BLTP3B: variants seen among roughly 807,000 people sequenced by gnomAD.
BLTP3B encodes UHRF1 (ICBP90) binding protein 1-like.
the BLTP3B span, among the ~76,000 whole-genome samples, chr12:100,074,774 G>C: frequency 6.6e-6 from 1 of 152,012 alleles, no homozygotes; most frequent in Non-Finnish European, 1.5e-5. Flanking sequence ...AACAAAGCTG[G>C]AGACATTACA....
At chr12:100,133,017 G>C in the BLTP3B span, among the ~76,000 whole-genome samples, 1 of 152,104 alleles carries the variant, frequency 6.6e-6, no homozygotes, top group East Asian at 1.9e-4. Flanking sequence ...GCCAAGGCAG[G>C]CAGATCACGA....
At chr12:100,056,668 T>C in the BLTP3B span, among the ~76,000 whole-genome samples, 1 of 151,056 alleles carries the variant, frequency 6.6e-6, no homozygotes, top group South Asian at 2.1e-4. Flanking sequence ...CGAAACCCCA[T>C]CCCTAGTAAA....
chr12:100,060,249 AAT>A, the BLTP3B span, among the ~76,000 whole-genome samples: 2 of 152,204 alleles, frequency 1.3e-5, no homozygotes, highest in Non-Finnish European at 2.9e-5. Context: ...TAACTGAAAA[AAT>A]GTTTTAATAT....
At chr12:100,088,893 T>A in the BLTP3B span, 1 of 1,503,966 alleles carries the variant, frequency 6.6e-7, no homozygotes. Context: ...CAAAATAGTT[T>A]GAAATAAGCA....
the BLTP3B span, chr12:100,142,749 C>T: frequency 2.7e-6 from 4 of 1,479,860 alleles, no homozygotes; most frequent in Non-Finnish European, 3.6e-6. Context: ...GCTGATCGCT[C>T]ACGACCGGGA....
the BLTP3B span, among the ~76,000 whole-genome samples, chr12:100,121,179 C>T: frequency 9.9e-5 from 15 of 151,552 alleles, no homozygotes; most frequent in Admixed American, 3.9e-4. Flanking sequence ...GGAACCCTGC[C>T]TCTACTAAAA....
At chr12:100,084,426 A>G in the BLTP3B span, 1 of 1,418,794 alleles carries the variant, frequency 7.0e-7, no homozygotes, top group Non-Finnish European at 9.7e-7. Flanking sequence ...ACACACACAC[A>G]GAGTGCAAAC....
chr12:100,125,335 C>CAA, the BLTP3B span, among the ~76,000 whole-genome samples: 3,452 of 74,004 alleles, frequency 0.047, 134 homozygotes, highest in African/African-American at 0.09. Flanking sequence ...GTTTCCATCT[C>CAA]AAAAAAAAAA....
chr12:100,108,333 G>A, the BLTP3B span: 15 of 1,553,442 alleles, frequency 9.7e-6, no homozygotes, highest in African/African-American at 1.4e-5. Flanking sequence ...AATATAGAAG[G>A]AAAACATGAA....
the BLTP3B span, chr12:100,058,847 A>G: frequency 5.6e-6 from 9 of 1,613,882 alleles, no homozygotes; most frequent in Non-Finnish European, 7.6e-6. Context: ...GTTTATGAAC[A>G]TGAACTAGGA....
the BLTP3B span, chr12:100,142,560 C>T: frequency 6.2e-6 from 10 of 1,602,600 alleles, no homozygotes; most frequent in Admixed American, 3.4e-5. Context: ...GGGTGGAGGC[C>T]GACTGGCGCC....
chr12:100,047,842 C>T, the BLTP3B span: 28 of 1,213,666 alleles, frequency 2.3e-5, no homozygotes, highest in Non-Finnish European at 3.0e-5. Context: ...TTAATAAATG[C>T]TGATAGAATA....
At chr12:100,039,277 A>G in the BLTP3B span, among the ~76,000 whole-genome samples, 1 of 152,220 alleles carries the variant, frequency 6.6e-6, no homozygotes, top group Non-Finnish European at 1.5e-5. Context: ...AAGCAAATAC[A>G]GCAATATGAA....
the BLTP3B span, among the ~76,000 whole-genome samples, chr12:100,076,388 CTTTTT>C: frequency 2.7e-5 from 3 of 110,214 alleles, no homozygotes; most frequent in East Asian, 2.5e-4. Flanking sequence ...CCTCAGCAAT[CTTTTT>C]TTTTTTTTTT....
At chr12:100,073,799 G>A in the BLTP3B span, among the ~76,000 whole-genome samples, 15 of 152,182 alleles carry the variant, frequency 9.9e-5, no homozygotes, top group African/African-American at 3.6e-4. Context: ...CAAAGAAAAT[G>A]CTTTTGATAA....
chr12:100,037,727 T>C, the BLTP3B span: 2 of 1,606,930 alleles, frequency 1.2e-6, no homozygotes, highest in South Asian at 2.2e-5. Flanking sequence ...AGCCAGTTCC[T>C]GTTTAAGAGA....
At chr12:100,064,071 GA>G in the BLTP3B span, among the ~76,000 whole-genome samples, 1 of 152,160 alleles carries the variant, frequency 6.6e-6, no homozygotes, top group East Asian at 1.9e-4. Flanking sequence ...AATATTCAAG[GA>G]AATAGCATAA....
At chr12:100,130,893 C>T in the BLTP3B span, among the ~76,000 whole-genome samples, 6 of 147,770 alleles carry the variant, frequency 4.1e-5, no homozygotes, top group Non-Finnish European at 7.4e-5. Context: ...CATGCCTGGG[C>T]AACAAGAATG....
the BLTP3B span, among the ~76,000 whole-genome samples, chr12:100,066,538 A>G: frequency 6.6e-6 from 1 of 152,058 alleles, no homozygotes; most frequent in African/African-American, 2.4e-5. Context: ...TCATGCCTAT[A>G]ATCCCAGCAC....
Sources: allele counts gnomAD v4.1 joint callset (sites outside exome capture counted in the v4.1 genomes callset), GRCh38; gene constraint gnomAD v4.1.1; transcripts MANE v1.5; gene names NCBI Gene and HGNC (gene_info 2026-07-23, HGNC 2026-07-21).